Variants in MPP4 observed in about 807,000 individuals in gnomAD.
The protein encoded by MPP4 is MAGUK p55 subfamily member 4.
A neutral mutation model predicts 98.3 loss-of-function variants in MPP4; 91 were observed. That is an observed-to-expected ratio of 0.93 (90% CI 0.78 to 1.10). The LOEUF is 1.10. Among genes scored for constraint, MPP4 ranks in the 50% least tolerant of loss-of-function variants. MPP4 has a pLI of 0.00. For missense variants in MPP4, 744 were observed against 792.9 expected (o/e 0.94, Z 0.74); for synonymous variants, 261 against 271.8 (o/e 0.96, Z 0.39).
At chr2:201,678,153 T>C (rs10931968) in intron 10 of MPP4, among the ~76,000 whole-genome samples, 47,312 of 151,670 alleles carry the variant, frequency 0.31, 8,285 homozygotes, top group Middle Eastern at 0.39. Flanking sequence ...TTCCTATCAT[T>C]CTTTGTTTGT....
intron 12 of MPP4, among the ~76,000 whole-genome samples, chr2:201,668,273 G>A (rs1688238309): frequency 6.6e-6 from 1 of 152,044 alleles, no homozygotes. Flanking sequence ...ACTGAATTGT[G>A]TTCCCCCCAG....
At chr2:201,663,824 A>G (rs1191428954) in intron 14 of MPP4, among the ~76,000 whole-genome samples, 2 of 152,166 alleles carry the variant, frequency 1.3e-5, no homozygotes, top group East Asian at 1.9e-4. Context: ...CGAGGCTGCA[A>G]TGAGCCATGA....
chr2:201,669,643 C>T, intron 12 of MPP4, 90 bp downstream of exon 12: 1 of 855,656 alleles, frequency 1.2e-6, no homozygotes, highest in Non-Finnish European at 1.6e-6. Context: ...TAATAAATAG[C>T]TGAACTGAAT....
In MPP4 at chr2:201,651,254, A is replaced by G; in HGVS notation, c.1382-1089T>C. On this transcript the variant is annotated intron_variant, in intron 18 of 21. Coordinates refer to ENST00000409474, the MANE Select transcript of MPP4 (RefSeq NM_033066.3). ...ATTATCAAAGGAGTTACCAACCTTC[A>G]AGGGGGTCTAAAAGCAAATGTCATC... 3 of 985,416 alleles carry G rather than the reference A, an allele frequency of 3.0e-6. No individual in the cohort carries two copies. In the South Asian group the frequency reaches 1.4e-4, roughly 46 times the overall value. The allele number at this position is 985,416 out of a possible 1,614,324, so 61.0% of individuals were successfully genotyped here.
At chr2:201,656,442 A>G (rs1574603149) in intron 16 of MPP4, 74 bp from the exon 17 acceptor site, 1 of 1,359,638 alleles carries the variant, frequency 7.4e-7, no homozygotes, top group Non-Finnish European at 9.9e-7. Context: ...CTGATGAAAT[A>G]TGTAGCAACC....
At chr2:201,693,739 C>A (rs957269357) in intron 2 of MPP4, 137 bp downstream of exon 2, 120 of 977,520 alleles carry the variant, frequency 1.2e-4, no homozygotes, top group Non-Finnish European at 1.3e-4. Context: ...ACTGGTAGGG[C>A]AGTAGTGCAA....
chr2:201,687,959 A>G (rs1574635414), intron 4 of MPP4, among the ~76,000 whole-genome samples: 1 of 152,224 alleles, frequency 6.6e-6, no homozygotes, highest in Admixed American at 6.5e-5. Flanking sequence ...TTCAGAGGAC[A>G]TAAGACCTTT....
At chr2:201,687,771 C>T (rs1361838256) in intron 4 of MPP4, among the ~76,000 whole-genome samples, 1 of 152,146 alleles carries the variant, frequency 6.6e-6, no homozygotes, top group Admixed American at 6.5e-5. Flanking sequence ...AGGAACGTAC[C>T]TGGGGAACTC....
At position 201,693,903 on chromosome 2, in the gene MPP4, G is replaced by T. The variant is rs1689106723; in HGVS notation, c.52C>A (p.Leu18Ile). The change falls in exon 2 of 22, where the codon CTT (leucine) becomes ATT (isoleucine). Residue 18 changes from leucine (L) to isoleucine (I), a missense_variant. Coordinates refer to ENST00000409474, the MANE Select transcript of MPP4 (RefSeq NM_033066.3). ...TTCTGTGGATTGGTGGCTGTAGAAA[G>T]CTTCATGTCCTTCTTGTCTGGTGGA... ...ADPPDKKDMKLSTATNPQNGL... is the reference protein window; with the variant it reads ...ADPPDKKDMKISTATNPQNGL... 6.2e-7 allele frequency: 1 copy of T among 1,613,858 alleles called. No homozygotes were observed. The highest frequency in any genetic ancestry group is 8.5e-7 in the Non-Finnish European group (1 of 1,179,858).
intron 20 of MPP4, among the ~76,000 whole-genome samples, chr2:201,648,214 G>C (rs1687619511): frequency 6.6e-6 from 1 of 152,038 alleles, no homozygotes; most frequent in African/African-American, 2.4e-5. Context: ...GTAGAGATGG[G>C]GTTTCACTAT....
chr2:201,669,211 T>G (rs1688270204), intron 12 of MPP4, among the ~76,000 whole-genome samples: 1 of 151,848 alleles, frequency 6.6e-6, no homozygotes, highest in East Asian at 1.9e-4. Flanking sequence ...AAGGTCCCAT[T>G]TGTTCCCTAA....
chr2:201,668,477 CCTCTCTCT>C (rs1553493948), intron 12 of MPP4, among the ~76,000 whole-genome samples: 6 of 146,832 alleles, frequency 4.1e-5, no homozygotes, highest in African/African-American at 1.5e-4. Context: ...CTCTTCTCTT[CCTCTCTCT>C]CTCTCTCTCT....
chr2:201,690,236 G>A lies in MPP4; in HGVS notation c.245C>T (p.Pro82Leu), dbSNP rs1688971199. The A allele has an allele frequency of 6.2e-7, 1 of 1,610,060 alleles. No homozygotes were observed. Among genetic ancestry groups the A allele is most frequent in the Non-Finnish European group, 8.5e-7 (1 of 1,178,194 alleles). The part of the protein sequence containing the change: ...LQEFKEKKLV[P>L]ATPHAQVLSY... Reference sequence around the variant, plus strand: ...TAACACCTGTGCATGTGGTGTGGCAGGAACTAGTTTCTTTTCTTTAAATTC... The same window carrying A: ...TAACACCTGTGCATGTGGTGTGGCAAGAACTAGTTTCTTTTCTTTAAATTC... Residue 82 changes from proline to leucine, a missense_variant, in exon 4 of 22, where the codon CCT (proline) becomes CTT (leucine). Physicochemically the swap from Pro to Leu is moderately conservative, Grantham distance 98. Transcript: ENST00000409474.
Position 201,698,588 on chromosome 2 carries a change from T to A in MPP4, c.-102A>T. On this transcript the variant is annotated splice_region_variant and 5_prime_UTR_variant, in exon 1 of 22. Transcript: ENST00000409474. ...GGATTATTTGCCAAGGTCTCTTACC[T>A]GCAAGACTGTAAACATGCATGTTGC... 1 of 1,304,088 alleles carries A rather than the reference T, an allele frequency of 7.7e-7. No homozygotes were observed. The highest frequency in any genetic ancestry group is 1.0e-6 in the Non-Finnish European group (1 of 988,840). 80.8% of individuals were successfully genotyped at this position (1,304,088 alleles called of 1,614,324 possible). A position where few individuals can be genotyped will look rare whatever the true frequency, so the allele number is the denominator to read the frequency against.
chr2:201,691,660 G>C (rs992417837), intron 3 of MPP4, among the ~76,000 whole-genome samples: 1 of 152,128 alleles, frequency 6.6e-6, no homozygotes, highest in Non-Finnish European at 1.5e-5. Context: ...TGAGATTACA[G>C]GTGCGTGCCA....
At chr2:201,658,918 T>C (rs571150394) in intron 15 of MPP4, among the ~76,000 whole-genome samples, 96 of 152,248 alleles carry the variant, frequency 6.3e-4, no homozygotes, top group African/African-American at 2.0e-3. Context: ...CCTCCCTGCC[T>C]ACCCCCCTGC....
At position 201,656,232 on chromosome 2, in the gene MPP4, G is replaced by A. The variant is rs372484542; in HGVS notation, c.1266C>T (p.Arg422=). Residue 422 remains arginine (R), a synonymous_variant, in exon 17 of 22, where the codon CGC becomes CGT. Transcript: ENST00000409474. ...PYEEVVRYQR[R]PSDKYRLIVL... The stretch of plus-strand genomic sequence containing the variant: ...CTATGAGGCGGTACTTGTCTGAAGG[G>A]CGTCGCTGGTACCTCACCACCTCCT... The A allele has an allele frequency of 2.3e-5, 37 of 1,605,214 alleles. No homozygotes were observed. The highest frequency in any genetic ancestry group is 2.8e-5 in the Non-Finnish European group (33 of 1,175,952).
At chr2:201,696,978 T>C (rs1279222093) in intron 1 of MPP4, among the ~76,000 whole-genome samples, 1 of 152,210 alleles carries the variant, frequency 6.6e-6, no homozygotes, top group Non-Finnish European at 1.5e-5. Flanking sequence ...GTTGAAGCCC[T>C]AATCCCCATT....
At chr2:201,689,622 A>G (rs1688946295) in intron 4 of MPP4, among the ~76,000 whole-genome samples, 1 of 152,058 alleles carries the variant, frequency 6.6e-6, no homozygotes, top group African/African-American at 2.4e-5. Flanking sequence ...AGCTGAGAGG[A>G]TTTGCTATCT....
Sources: allele counts gnomAD v4.1 joint callset (sites outside exome capture counted in the v4.1 genomes callset), GRCh38; gene constraint gnomAD v4.1.1; transcripts MANE v1.5; gene names NCBI Gene and HGNC (gene_info 2026-07-23, HGNC 2026-07-21).